Variants in KANK1 observed in about 807,000 individuals in gnomAD.
KANK1 encodes KN motif and ankyrin repeat domain-containing protein 1.
KANK1 carries 109 observed loss-of-function variants against 106.2 expected under a neutral mutation model. The observed-to-expected ratio is 1.03, with a 90% confidence interval of 0.88 to 1.20. The LOEUF is 1.20. KANK1 is among the 50% of genes most tolerant of loss of function. KANK1 has a pLI of 0.00. For synonymous variants in KANK1, 873 were observed against 652.2 expected, an observed-to-expected ratio of 1.34 and a Z score of -5.16; for missense variants, 2,399 against 1,710.7, an observed-to-expected ratio of 1.40 and a Z score of -7.10.
rs1337430749 is a variant in KANK1 at position 713,183 on chromosome 9, A to C, written c.2417A>C (p.Glu806Ala). The change falls in exon 3 of 12, where the codon GAA becomes GCA. Residue 806 changes from glutamate (E) to alanine (A), a missense_variant. Transcript: ENST00000382297. ...SVGVGDDPVG[E>A]SLENPQPQAP... ...GGGGTTGGGGATGACCCTGTAGGGG[A>C]ATCTCTGGAGAACCCCCAGCCTCAA... 1.3e-6 allele frequency: 2 copies of C among 1,585,098 alleles called. No homozygotes were observed. The highest frequency in any genetic ancestry group is 2.4e-5 in the South Asian group (2 of 84,630).
intron 1 of KANK1, among the ~76,000 whole-genome samples, chr9:505,113 G>A (rs979931919): frequency 6.6e-6 from 1 of 152,058 alleles, no homozygotes; most frequent in African/African-American, 2.4e-5. Context: ...GGGAGGGTGC[G>A]GGCGCCTGGC....
chr9:740,911 G>A lies in KANK1; in HGVS notation c.3673G>A (p.Asp1225Asn). 6.2e-7 allele frequency: 1 copy of A among 1,614,222 alleles called. No homozygotes were observed. ...RIVEELFGCG[D>N]VNAKASQAGQ... Reference sequence around the variant, plus strand: ...TGTGGAAGAACTCTTCGGCTGTGGGGATGTGAATGCCAAAGCTAGTCAGGT... The same window carrying A: ...TGTGGAAGAACTCTTCGGCTGTGGGAATGTGAATGCCAAAGCTAGTCAGGT... Residue 1225 changes from aspartate to asparagine, a missense_variant, in exon 9 of 12, where the codon GAT (aspartate) becomes AAT (asparagine). Asp to Asn is a conservative substitution (Grantham distance 23). Transcript: ENST00000382297.
chr9:577,625 A>C (rs1228922392), intron 1 of KANK1, among the ~76,000 whole-genome samples: 1 of 152,180 alleles, frequency 6.6e-6, no homozygotes, highest in Non-Finnish European at 1.5e-5. Flanking sequence ...TGTTTAAGGC[A>C]GTTATTCTCA....
intron 1 of KANK1, among the ~76,000 whole-genome samples, chr9:592,238 G>T (rs1231498236): frequency 6.6e-6 from 1 of 151,876 alleles, no homozygotes; most frequent in Non-Finnish European, 1.5e-5. Context: ...ATAAGGGGAT[G>T]TAAAGGAATT....
At chr9:522,953 C>T (rs552399804) in intron 1 of KANK1, among the ~76,000 whole-genome samples, 1 of 151,816 alleles carries the variant, frequency 6.6e-6, no homozygotes, top group South Asian at 2.1e-4. Context: ...TTAATGTTAG[C>T]CTTTTGCTTG....
At chr9:519,972 A>C (rs1232224485) in intron 1 of KANK1, among the ~76,000 whole-genome samples, 2 of 151,822 alleles carry the variant, frequency 1.3e-5, no homozygotes, top group Non-Finnish European at 2.9e-5. Context: ...GTGACTTAAA[A>C]CAATACATTT....
intron 1 of KANK1, among the ~76,000 whole-genome samples, chr9:538,763 T>G (rs1224961921): frequency 6.6e-6 from 1 of 152,262 alleles, no homozygotes; most frequent in Admixed American, 6.5e-5. Flanking sequence ...ATGGAAATAA[T>G]GATTGTCCCT....
chr9:598,461 T>C (rs2135761288), intron 1 of KANK1, among the ~76,000 whole-genome samples: 1 of 151,562 alleles, frequency 6.6e-6, no homozygotes, highest in South Asian at 2.1e-4. Context: ...AATATTGTCA[T>C]CTTAACAATA....
upstream of KANK1, among the ~76,000 whole-genome samples, chr9:501,923 A>G (rs1024057469): frequency 6.6e-6 from 1 of 152,234 alleles, no homozygotes; most frequent in Non-Finnish European, 1.5e-5. Context: ...ATATTTCAAG[A>G]AATGTTTCAC....
intron 10 of KANK1, among the ~76,000 whole-genome samples, chr9:743,023 A>T (rs1836092810): frequency 1.3e-5 from 2 of 152,164 alleles, no homozygotes; most frequent in South Asian, 4.1e-4. Flanking sequence ...CTTGACCGGG[A>T]AACTCAACCA....
intron 1 of KANK1, among the ~76,000 whole-genome samples, chr9:586,310 A>G (rs1024490632): frequency 1.3e-5 from 2 of 152,220 alleles, no homozygotes; most frequent in African/African-American, 4.8e-5. Context: ...GGCCTATTCA[A>G]GGTTACAGGA....
chr9:579,583 G>A (rs1252101871), intron 1 of KANK1, among the ~76,000 whole-genome samples: 2 of 152,028 alleles, frequency 1.3e-5, no homozygotes, highest in Non-Finnish European at 2.9e-5. Flanking sequence ...TAAAACCCTA[G>A]GGGAGAAGCA....
intron 1 of KANK1, among the ~76,000 whole-genome samples, chr9:526,212 C>G (rs376188561): frequency 6.6e-6 from 1 of 151,786 alleles, no homozygotes; most frequent in African/African-American, 2.4e-5. Flanking sequence ...GGTGCTGTCT[C>G]TCAGGCATTT....
intron 1 of KANK1, among the ~76,000 whole-genome samples, chr9:598,061 C>T (rs949574551): frequency 4.0e-5 from 6 of 151,676 alleles, no homozygotes; most frequent in Admixed American, 3.9e-4. Context: ...GGGGTAGGGG[C>T]CCAACTTTAT....
At chr9:603,364 G>C (rs1828259517) in intron 1 of KANK1, among the ~76,000 whole-genome samples, 1 of 151,888 alleles carries the variant, frequency 6.6e-6, no homozygotes, top group Non-Finnish European at 1.5e-5. Context: ...GCAGCAATAA[G>C]AACTTGAAGT....
intron 1 of KANK1, among the ~76,000 whole-genome samples, chr9:614,009 C>T (rs183167268): frequency 4.1e-4 from 62 of 152,238 alleles, no homozygotes; most frequent in African/African-American, 1.3e-3. Flanking sequence ...CTGTGCATAG[C>T]GCTCCAAGCA....
At chr9:737,525 T>A (rs1589313924) in intron 7 of KANK1, among the ~76,000 whole-genome samples, 1 of 152,226 alleles carries the variant, frequency 6.6e-6, no homozygotes. Flanking sequence ...CTGAGCTTCA[T>A]GTGACCCAGG....
intron 1 of KANK1, among the ~76,000 whole-genome samples, chr9:538,963 C>G (rs1014488139): frequency 2.0e-5 from 3 of 152,194 alleles, no homozygotes; most frequent in Admixed American, 2.0e-4. Flanking sequence ...TCACTGCAGC[C>G]TCCACCTCCT....
intron 1 of KANK1, among the ~76,000 whole-genome samples, chr9:527,057 ATTGTTTTGAGTGC>A (rs2059823388): frequency 6.6e-6 from 1 of 151,760 alleles, no homozygotes; most frequent in Non-Finnish European, 1.5e-5. Flanking sequence ...AGAGTTAATC[ATTGTTTTGAGTGC>A]TTGTTTTAAG....
Sources: allele counts gnomAD v4.1 joint callset (sites outside exome capture counted in the v4.1 genomes callset), GRCh38; gene constraint gnomAD v4.1.1; transcripts MANE v1.5; gene names NCBI Gene and HGNC (gene_info 2026-07-23, HGNC 2026-07-21).